BLTP2: variants seen among roughly 807,000 people sequenced by gnomAD.
The protein encoded by BLTP2 is U937-associated antigen.
chr17:28,623,480 G>C, the BLTP2 span, among the ~76,000 whole-genome samples: 13 of 151,990 alleles, frequency 8.6e-5, no homozygotes, highest in Non-Finnish European at 1.5e-5. Flanking sequence ...TGATTAGTGT[G>C]AACATTAATA....
the BLTP2 span, chr17:28,635,695 G>A: frequency 2.9e-6 from 4 of 1,371,906 alleles, no homozygotes; most frequent in Non-Finnish European, 3.9e-6. Flanking sequence ...TGCACACCTG[G>A]CTCAAGAACC....
chr17:28,618,679 A>G, the BLTP2 span: 50 of 794,508 alleles, frequency 6.3e-5, no homozygotes, highest in Admixed American at 7.3e-5. Flanking sequence ...ACTATCATTA[A>G]TAATCATACA....
the BLTP2 span, chr17:28,615,939 G>A: frequency 1.6e-5 from 17 of 1,066,222 alleles, no homozygotes; most frequent in Admixed American, 2.1e-5. Flanking sequence ...CCTCAGCCTC[G>A]TAATGATGCT....
the BLTP2 span, among the ~76,000 whole-genome samples, chr17:28,618,317 T>C: frequency 6.6e-6 from 1 of 151,980 alleles, no homozygotes; most frequent in South Asian, 2.1e-4. Flanking sequence ...AGTGGTGTGA[T>C]CACAGCTCAC....
the BLTP2 span, chr17:28,643,266 G>A: frequency 6.2e-7 from 1 of 1,614,138 alleles, no homozygotes; most frequent in East Asian, 2.2e-5. Flanking sequence ...CTTTCTGTAG[G>A]TCCGTTCTGA....
the BLTP2 span, chr17:28,631,485 A>C: frequency 6.2e-7 from 1 of 1,613,958 alleles, no homozygotes; most frequent in South Asian, 1.1e-5. Context: ...GTACCTCCTC[A>C]GCTGTGCGAT....
the BLTP2 span, among the ~76,000 whole-genome samples, chr17:28,617,979 C>CTGCAG: frequency 6.8e-6 from 1 of 147,126 alleles, no homozygotes; most frequent in Non-Finnish European, 1.5e-5. Context: ...TGTCACCAGG[C>CTGCAG]TGCAGTGCAG....
the BLTP2 span, chr17:28,639,104 G>A: frequency 1.7e-6 from 1 of 593,460 alleles, no homozygotes. Flanking sequence ...ACTACACTGA[G>A]CACCGAGGAC....
chr17:28,639,231 A>AC, the BLTP2 span: 1 of 1,413,578 alleles, frequency 7.1e-7, no homozygotes, highest in Non-Finnish European at 1.0e-6. Flanking sequence ...CCAAATACAT[A>AC]TTTAACACAG....
chr17:28,630,043 T>C, the BLTP2 span, among the ~76,000 whole-genome samples: 2 of 152,138 alleles, frequency 1.3e-5, no homozygotes, highest in Admixed American at 6.5e-5. Context: ...TTTGTATTTT[T>C]TGTAGAAACA....
At chr17:28,620,615 A>G in the BLTP2 span, 2 of 1,614,056 alleles carry the variant, frequency 1.2e-6, no homozygotes, top group East Asian at 4.5e-5. Flanking sequence ...GATAAGGGTG[A>G]AGGTATCCAC....
chr17:28,634,103 G>A, the BLTP2 span: 15 of 1,608,950 alleles, frequency 9.3e-6, no homozygotes, highest in Non-Finnish European at 1.3e-5. Flanking sequence ...CCAGAGGAAG[G>A]GTACACACTG....
the BLTP2 span, chr17:28,623,987 G>A: frequency 6.2e-7 from 1 of 1,608,810 alleles, no homozygotes; most frequent in Non-Finnish European, 8.5e-7. Context: ...GATAGAAGCA[G>A]AGTTAAGCTA....
At chr17:28,624,294 G>C in the BLTP2 span, 3 of 1,614,170 alleles carry the variant, frequency 1.9e-6, no homozygotes, top group Non-Finnish European at 2.5e-6. Flanking sequence ...CTGGCAGGCA[G>C]CAATGCCACA....
chr17:28,638,603 G>A, the BLTP2 span: 5 of 1,613,442 alleles, frequency 3.1e-6, no homozygotes, highest in South Asian at 1.1e-5. Flanking sequence ...TGGAGATGGA[G>A]GTGCTAAAGA....
the BLTP2 span, chr17:28,635,449 G>A: frequency 1.9e-6 from 3 of 1,614,194 alleles, no homozygotes; most frequent in Middle Eastern, 1.6e-4. Flanking sequence ...TTCTAGCTCA[G>A]AAGTAGTTCC....
At chr17:28,635,387 C>G in the BLTP2 span, 2 of 1,614,090 alleles carry the variant, frequency 1.2e-6, no homozygotes, top group Non-Finnish European at 1.7e-6. Flanking sequence ...GTGCTCACCT[C>G]CAGGGTTAGG....
chr17:28,629,456 AATTT>A, the BLTP2 span, among the ~76,000 whole-genome samples: 3 of 151,714 alleles, frequency 2.0e-5, no homozygotes, highest in Admixed American at 2.0e-4. Context: ...ACACCTGGCT[AATTT>A]ATTTATTTTT....
chr17:28,635,647 T>C, the BLTP2 span: 4 of 1,570,718 alleles, frequency 2.5e-6, no homozygotes, highest in East Asian at 2.2e-5. Flanking sequence ...TCAATTACCA[T>C]GTCACAAAAC....
Sources: allele counts gnomAD v4.1 joint callset (sites outside exome capture counted in the v4.1 genomes callset), GRCh38; gene constraint gnomAD v4.1.1; transcripts MANE v1.5; gene names NCBI Gene and HGNC (gene_info 2026-07-23, HGNC 2026-07-21).